LPIN2: variants seen among roughly 807,000 people sequenced by gnomAD.
LPIN2 encodes the protein phosphatidate phosphatase LPIN2.
In LPIN2, 55 loss-of-function variants were observed where a neutral mutation model predicts 111.4. That is an observed-to-expected ratio of 0.49 (90% CI 0.40 to 0.62). The LOEUF is 0.62. Ranked by LOEUF, LPIN2 falls within the 20% of genes least tolerant of loss-of-function variation. The pLI, the probability that LPIN2 is intolerant of heterozygous loss-of-function variation, is 0.00. For synonymous variants in LPIN2, 425 were observed against 414.0 expected, an observed-to-expected ratio of 1.03 and a Z score of -0.32; for missense variants, 992 against 1,112.1, an observed-to-expected ratio of 0.89 and a Z score of 1.54.
chr18:2,928,455 G>C, intron 11 of LPIN2, 136 bp downstream of exon 11: 1 of 872,466 alleles, frequency 1.1e-6, no homozygotes, highest in Non-Finnish European at 1.9e-6. Flanking sequence ...ATATGACTTT[G>C]ATCTTTTATA....
chr18:2,938,051 A>G lies in LPIN2; in HGVS notation c.823-14T>C, dbSNP rs1941036725. 1 of 1,595,758 alleles carries G rather than the reference A, an allele frequency of 6.3e-7. No homozygotes were observed. The highest frequency in any genetic ancestry group is 8.6e-7 in the Non-Finnish European group (1 of 1,165,352). ...TCTTTTGCTGACCTAAAAAAGTTAA[A>G]TTGTTTAAAAATTAAACTACTTTCA... On this transcript the variant is annotated splice_polypyrimidine_tract_variant and intron_variant, in intron 6 of 19. Coordinates refer to ENST00000677752, the MANE Select transcript of LPIN2 (RefSeq NM_001375808.2).
At chr18:2,922,020 G>A in intron 17 of LPIN2, 27 bp downstream of exon 17, 14 of 1,605,568 alleles carry the variant, frequency 8.7e-6, no homozygotes, top group Non-Finnish European at 1.2e-5. Flanking sequence ...GGGGCGGTGG[G>A]CAGAGGGCTG....
At chr18:2,949,196 C>T (rs542250674) in intron 4 of LPIN2, among the ~76,000 whole-genome samples, 1 of 152,206 alleles carries the variant, frequency 6.6e-6, no homozygotes, top group East Asian at 1.9e-4. Context: ...GACAAATAAC[C>T]TTTAAAAGAC....
In LPIN2 at chr18:2,939,485, T is replaced by C; in HGVS notation, c.817A>G (p.Thr273Ala). The C allele has an allele frequency of 6.2e-7, 1 of 1,613,916 alleles. No individual in the cohort carries two copies. The highest frequency in any genetic ancestry group is 8.5e-7 in the Non-Finnish European group (1 of 1,179,806). Residue 273 changes from threonine to alanine, a missense_variant, in exon 6 of 20, where the codon ACC (threonine) becomes GCC (alanine). This residue lies in a region of LPIN2 where 709 missense variants were observed against 753.2 expected (regional missense o/e 0.94). Coordinates refer to ENST00000677752, the MANE Select transcript of LPIN2 (RefSeq NM_001375808.2). ...EWTWGGFPES[T>A]KVSKRERSDH... ...AGGCAAGTAAACCCTAGTACCTTGGTGGACTCTGGGAATCCGCCCCACGTC... is the reference window on the plus strand; with the variant it reads ...AGGCAAGTAAACCCTAGTACCTTGGCGGACTCTGGGAATCCGCCCCACGTC...
intron 16 of LPIN2, among the ~76,000 whole-genome samples, chr18:2,923,346 G>C (rs973694941): frequency 2.0e-5 from 3 of 148,318 alleles, no homozygotes; most frequent in Non-Finnish European, 4.4e-5. Flanking sequence ...CTTGAACCCG[G>C]GAGGCGGAGA....
chr18:2,997,911 T>C (rs965340120), intron 1 of LPIN2, among the ~76,000 whole-genome samples: 2 of 152,238 alleles, frequency 1.3e-5, no homozygotes, highest in Non-Finnish European at 2.9e-5. Context: ...TCCCTACTGT[T>C]TCCTTTGGAA....
intron 4 of LPIN2, chr18:2,948,441 T>C (rs1319688293): frequency 2.0e-5 from 3 of 152,260 alleles, no homozygotes; most frequent in African/African-American, 7.2e-5. Context: ...CGTTTGCAAA[T>C]TCCTTTAGAA....
chr18:2,961,372 C>T (rs1053277776), intron 1 of LPIN2, among the ~76,000 whole-genome samples: 2 of 152,158 alleles, frequency 1.3e-5, no homozygotes, highest in African/African-American at 4.8e-5. Flanking sequence ...TAGTATGGTT[C>T]GGACACATGC....
chr18:2,922,218 T>C lies in LPIN2; in HGVS notation c.2175-19A>G, dbSNP rs753854948. The C allele has an allele frequency of 6.2e-7, 1 of 1,613,236 alleles. No individual in the cohort carries two copies. Among genetic ancestry groups the C allele is most frequent in the Non-Finnish European group, 8.5e-7 (1 of 1,179,718 alleles). On this transcript the variant is annotated intron_variant, in intron 16 of 19. Coordinates refer to ENST00000677752, the MANE Select transcript of LPIN2 (RefSeq NM_001375808.2). ...GCCATTCCTGAAAGAAAACACACCC[T>C]GTTAGCCCACATGTTCTGGCTAAGG... is the stretch of plus-strand genomic sequence containing the variant.
chr18:2,946,133 GAC>G (rs2077447948), intron 4 of LPIN2: 1 of 1,597,430 alleles, frequency 6.3e-7, no homozygotes, highest in South Asian at 1.1e-5. Context: ...ATTCCCTGAT[GAC>G]AGTTTAAGTT....
chr18:2,950,538 T>C (rs2077519307), intron 4 of LPIN2: 1 of 160,762 alleles, frequency 6.2e-6, no homozygotes, highest in African/African-American at 2.4e-5. Context: ...ACTGCTACCT[T>C]TCAACCCCAA....
At chr18:2,992,162 A>G (rs765484608) in intron 1 of LPIN2, among the ~76,000 whole-genome samples, 8 of 152,240 alleles carry the variant, frequency 5.3e-5, no homozygotes, top group Non-Finnish European at 1.2e-4. Context: ...CAAAATGTGG[A>G]AACAACACAA....
chr18:2,968,219 G>A (rs868061297), intron 1 of LPIN2, among the ~76,000 whole-genome samples: 4 of 152,128 alleles, frequency 2.6e-5, no homozygotes, highest in South Asian at 2.1e-4. Context: ...TGAATACACC[G>A]AGTATCCAGA....
intron 14 of LPIN2, among the ~76,000 whole-genome samples, chr18:2,924,804 G>GA (rs1169393917): frequency 1.3e-5 from 2 of 152,276 alleles, no homozygotes; most frequent in East Asian, 3.9e-4. Context: ...CCACACCTGA[G>GA]AATTACTGCT....
chr18:2,929,568 G>T lies in LPIN2; in HGVS notation c.1457-410C>A, dbSNP rs138537015. ...CGGCATAACTGGGGAATATTCATAGGGGTCTTACAGCTTTAGCAAGCTACA... is the reference window on the plus strand; with the variant it reads ...CGGCATAACTGGGGAATATTCATAGTGGTCTTACAGCTTTAGCAAGCTACA... On this transcript the variant is annotated intron_variant, in intron 9 of 19. Transcript: ENST00000677752. Among the ~76,000 whole-genome samples, 466 of 152,264 alleles carry T rather than the reference G, an allele frequency of 3.1e-3. 7 individuals carry two copies. Among genetic ancestry groups the T allele is most frequent in the Middle Eastern group, 0.017 (5 of 292 alleles).
chr18:2,945,520 G>A (rs558659732), intron 4 of LPIN2: 24 of 1,127,164 alleles, frequency 2.1e-5, no homozygotes, highest in Admixed American at 8.5e-5. Context: ...TCTGAAATAC[G>A]TAATAGCCTT....
chr18:2,928,298 A>G (rs1360213868), intron 11 of LPIN2, among the ~76,000 whole-genome samples: 1 of 152,132 alleles, frequency 6.6e-6, no homozygotes, highest in East Asian at 1.9e-4. Context: ...TTTTTCATTC[A>G]TTCCATATTT....
At chr18:2,940,764 T>C (rs1445108037) in intron 4 of LPIN2, 52 bp from the exon 5 acceptor site, 1 of 1,073,966 alleles carries the variant, frequency 9.3e-7, no homozygotes, top group Admixed American at 1.7e-5. Flanking sequence ...CTTGTCAGCT[T>C]TAAAATATCC....
chr18:2,926,413 C>T (rs1025904556), intron 13 of LPIN2, among the ~76,000 whole-genome samples: 2 of 152,194 alleles, frequency 1.3e-5, no homozygotes, highest in African/African-American at 4.8e-5. Context: ...TGTATGTCTC[C>T]CTTTGGCTCC....
Sources: allele counts gnomAD v4.1 joint callset (sites outside exome capture counted in the v4.1 genomes callset), GRCh38; gene constraint gnomAD v4.1.1; regional missense constraint gnomAD v4.1.1; transcripts MANE v1.5; gene names NCBI Gene and HGNC (gene_info 2026-07-23, HGNC 2026-07-21).